AFAP1: variants seen among roughly 807,000 people sequenced by gnomAD.
The protein encoded by AFAP1 is actin filament associated protein 1.
In AFAP1, 75 loss-of-function variants were observed where a neutral mutation model predicts 93.9. The ratio of observed to expected loss-of-function variants is 0.80; its 90% CI spans 0.66 to 0.97. AFAP1 has a LOEUF of 0.97. Among genes scored for constraint, AFAP1 ranks in the 50% least tolerant of loss-of-function variants. AFAP1 has a pLI of 0.00. For synonymous variants in AFAP1, 517 were observed against 430.7 expected (o/e 1.20, Z -2.48); for missense variants, 1,201 against 1,050.8 (o/e 1.14, Z -1.98).
intron 1 of AFAP1, among the ~76,000 whole-genome samples, chr4:7,892,228 T>C (rs1438456517): frequency 1.3e-5 from 2 of 152,194 alleles, no homozygotes; most frequent in African/African-American, 4.8e-5. Flanking sequence ...GCACCATTTC[T>C]AAGTACAGAA....
At chr4:7,777,232 T>C in intron 14 of AFAP1, 1 of 152,180 alleles carries the variant, frequency 6.6e-6, no homozygotes, top group African/African-American at 2.4e-5. Flanking sequence ...ACCTGATACA[T>C]TCAGGAAATA....
intron 9 of AFAP1, among the ~76,000 whole-genome samples, chr4:7,803,005 A>C (rs1393601427): frequency 2.0e-5 from 3 of 152,218 alleles, no homozygotes; most frequent in Non-Finnish European, 2.9e-5. Context: ...TGAGCACCCG[A>C]GTAACAGCGC....
intron 10 of AFAP1, among the ~76,000 whole-genome samples, chr4:7,798,522 C>T (rs1718705407): frequency 6.6e-6 from 1 of 152,214 alleles, no homozygotes; most frequent in Non-Finnish European, 1.5e-5. Context: ...AGGCTTCTTG[C>T]TTACATTGGA....
chr4:7,820,548 C>G (rs1720881044), intron 6 of AFAP1, among the ~76,000 whole-genome samples: 1 of 151,988 alleles, frequency 6.6e-6, no homozygotes, highest in African/African-American at 2.4e-5. Flanking sequence ...AGGCAGAAAA[C>G]CAGGAGAGCA....
At chr4:7,780,501 G>C (rs1417172951) in intron 13 of AFAP1, among the ~76,000 whole-genome samples, 2 of 152,212 alleles carry the variant, frequency 1.3e-5, no homozygotes, top group East Asian at 3.8e-4. Context: ...GGCAAAGCAT[G>C]AACAATTCTT....
intron 10 of AFAP1, among the ~76,000 whole-genome samples, chr4:7,794,665 G>A (rs974467939): frequency 1.3e-5 from 2 of 151,598 alleles, no homozygotes; most frequent in African/African-American, 2.4e-5. Flanking sequence ...GGGACTACAG[G>A]TGCTCACCAC....
At chr4:7,844,155 G>A (rs1231302786) in intron 4 of AFAP1, among the ~76,000 whole-genome samples, 3 of 147,616 alleles carry the variant, frequency 2.0e-5, no homozygotes, top group East Asian at 2.0e-4. Context: ...TGTCCCTCCC[G>A]GAAATTCAAG....
chr4:7,765,414 T>A (rs1459627240), intron 17 of AFAP1, among the ~76,000 whole-genome samples: 1 of 152,172 alleles, frequency 6.6e-6, no homozygotes, highest in Non-Finnish European at 1.5e-5. Context: ...CTGTGCAGTT[T>A]TTGTGCTTTT....
intron 6 of AFAP1, among the ~76,000 whole-genome samples, chr4:7,823,805 T>A (rs1042248470): frequency 1.3e-5 from 2 of 152,166 alleles, no homozygotes; most frequent in Non-Finnish European, 2.9e-5. Context: ...TCTCCAACAG[T>A]GCTTGGGAGG....
At chr4:7,919,390 G>A (rs891310925) in intron 1 of AFAP1, among the ~76,000 whole-genome samples, 1 of 152,190 alleles carries the variant, frequency 6.6e-6, no homozygotes, top group South Asian at 2.1e-4. Flanking sequence ...TTGGAACAAG[G>A]GGGCTATTTT....
At chr4:7,930,099 A>G (rs376332824) in intron 1 of AFAP1, among the ~76,000 whole-genome samples, 6 of 152,344 alleles carry the variant, frequency 3.9e-5, no homozygotes, top group Admixed American at 1.3e-4. Context: ...TCTGCCACAC[A>G]GTGTTGCTGA....
chr4:7,813,221 T>G (rs1020659939), intron 8 of AFAP1, among the ~76,000 whole-genome samples: 3 of 152,170 alleles, frequency 2.0e-5, no homozygotes, highest in African/African-American at 7.2e-5. Flanking sequence ...TAAAAGGAGC[T>G]TAACTCAAAT....
intron 11 of AFAP1, among the ~76,000 whole-genome samples, chr4:7,787,970 C>T (rs1717467361): frequency 6.6e-6 from 1 of 152,160 alleles, no homozygotes; most frequent in Non-Finnish European, 1.5e-5. Context: ...CCCCAGGAGG[C>T]GGCCCGTCCC....
chr4:7,786,361 CCAAT>C (rs1301614508), intron 11 of AFAP1, 50 bp from the exon 12 acceptor site: 4 of 1,469,844 alleles, frequency 2.7e-6, no homozygotes, highest in Non-Finnish European at 3.8e-6. Flanking sequence ...ACCTTTTACT[CCAAT>C]CAGTCAAGTC....
chr4:7,895,768 G>C (rs1480448259), intron 1 of AFAP1, among the ~76,000 whole-genome samples: 3 of 151,320 alleles, frequency 2.0e-5, no homozygotes, highest in African/African-American at 7.3e-5. Flanking sequence ...GGAATTAGCA[G>C]CTCAGTGATC....
At chr4:7,860,829 C>T (rs1281107068) in intron 3 of AFAP1, among the ~76,000 whole-genome samples, 1 of 152,186 alleles carries the variant, frequency 6.6e-6, no homozygotes. Flanking sequence ...TATCACACAG[C>T]ACAAGCAGAC....
At chr4:7,772,395 G>C (rs62289268) in intron 16 of AFAP1, 140 of 157,188 alleles carry the variant, frequency 8.9e-4, no homozygotes, top group Non-Finnish European at 1.3e-3. Flanking sequence ...ACTTTGTTCT[G>C]TTTGATTCTA....
In AFAP1 at chr4:7,838,696, T is replaced by C. The variant is rs777927451; in HGVS notation, c.554A>G (p.Lys185Arg). The change falls in exon 6 of 18, where the codon AAA (lysine) becomes AGA (arginine). Residue 185 changes from lysine (K) to arginine (R), a missense_variant. Coordinates refer to ENST00000420658, the MANE Select transcript of AFAP1 (RefSeq NM_001134647.2). Reference sequence around the variant, plus strand: ...CTGAGGCTGCTGGTCCTTGGAACTTTTATAGCACTGCATTCAACACAACAA... The same window carrying C: ...CTGAGGCTGCTGGTCCTTGGAACTTCTATAGCACTGCATTCAACACAACAA... ...VIKDTKLLCY[K>R]SSKDQQPQME... 2.5e-6 allele frequency: 4 copies of C among 1,614,068 alleles called. No individual in the cohort carries two copies. Among genetic ancestry groups the C allele is most frequent in the East Asian group, 2.2e-5 (1 of 44,880 alleles).
At chr4:7,781,350 G>T in intron 13 of AFAP1, 26 bp downstream of exon 13, 1 of 1,549,454 alleles carries the variant, frequency 6.5e-7, no homozygotes, top group Non-Finnish European at 8.7e-7. Flanking sequence ...GGTGGTTCTA[G>T]AATCTTACAG....
Sources: allele counts gnomAD v4.1 joint callset (sites outside exome capture counted in the v4.1 genomes callset), GRCh38; gene constraint gnomAD v4.1.1; transcripts MANE v1.5; gene names NCBI Gene and HGNC (gene_info 2026-07-23, HGNC 2026-07-21).